The following CD2AP variants were observed in gnomAD, a reference collection of about 807,000 sequenced individuals.
The protein encoded by CD2AP is CD2 associated protein, also known as CD2-associated protein.
In CD2AP, 46 loss-of-function variants were observed where a neutral mutation model predicts 85.1. The ratio of observed to expected loss-of-function variants is 0.54; its 90% CI spans 0.43 to 0.69. The LOEUF (loss-of-function observed/expected upper bound fraction) is 0.69, where lower values mean the gene tolerates loss of function less well. CD2AP is among the 30% of genes least tolerant of loss of function. CD2AP has a pLI of 0.00. For missense variants in CD2AP, 769 were observed against 729.5 expected, an observed-to-expected ratio of 1.05 and a Z score of -0.62; for synonymous variants, 255 against 252.9, an observed-to-expected ratio of 1.01 and a Z score of -0.08.
Position 47,617,982 on chromosome 6 carries a change from A to T in CD2AP, c.1878+5446A>T, listed in dbSNP as rs138507593. On this transcript the variant is annotated intron_variant, in intron 17 of 17. Coordinates refer to ENST00000359314, the MANE Select transcript of CD2AP (RefSeq NM_012120.3). ...TACAGATTCTCAAGGCCCTGCTCAAACAATTACCTTCATTAAATTGATACT... is the reference window on the plus strand; with the variant it reads ...TACAGATTCTCAAGGCCCTGCTCAATCAATTACCTTCATTAAATTGATACT... 5.2e-3 allele frequency among the ~76,000 whole-genome samples: 796 copies of T among 151,896 alleles called. 2 individuals carry two copies. Among genetic ancestry groups the T allele is most frequent in the Non-Finnish European group, 8.1e-3 (551 of 67,742 alleles).
intron 1 of CD2AP, among the ~76,000 whole-genome samples, chr6:47,481,741 T>C (rs1235745749): frequency 2.6e-5 from 4 of 152,208 alleles, no homozygotes; most frequent in Non-Finnish European, 5.9e-5. Context: ...GTTGTACTGT[T>C]TGGAGAAAAT....
At chr6:47,487,217 T>C (rs941537520) in intron 1 of CD2AP, among the ~76,000 whole-genome samples, 1 of 152,196 alleles carries the variant, frequency 6.6e-6, no homozygotes, top group African/African-American at 2.4e-5. Flanking sequence ...ACAATTTTTT[T>C]AATGATGAAA....
chr6:47,616,138 C>G (rs1769580602), intron 17 of CD2AP, among the ~76,000 whole-genome samples: 1 of 116,882 alleles, frequency 8.6e-6, no homozygotes. Flanking sequence ...GTTACCCAGG[C>G]TGGAGTGCAA....
At chr6:47,508,538 T>C (rs1460979078) in intron 2 of CD2AP, among the ~76,000 whole-genome samples, 9 of 143,330 alleles carry the variant, frequency 6.3e-5, no homozygotes, top group Non-Finnish European at 1.2e-4. Context: ...TTCTTTCTTT[T>C]TTTTTTTGTT....
chr6:47,570,047 C>G (rs1387324807), intron 5 of CD2AP, among the ~76,000 whole-genome samples: 1 of 152,068 alleles, frequency 6.6e-6, no homozygotes, highest in African/African-American at 2.4e-5. Flanking sequence ...CCTGCATGAT[C>G]GACTTACAAA....
chr6:47,623,181 A>G (rs1769810032), intron 17 of CD2AP, among the ~76,000 whole-genome samples: 1 of 152,224 alleles, frequency 6.6e-6, no homozygotes, highest in East Asian at 1.9e-4. Flanking sequence ...GAGTAGTTAT[A>G]ATCCTTTAGG....
At chr6:47,505,616 G>A (rs1241810216) in intron 2 of CD2AP, among the ~76,000 whole-genome samples, 1,168 of 29,042 alleles carry the variant, frequency 0.04, no homozygotes, top group Middle Eastern at 0.12. Context: ...TGGCCGGGCG[G>A]GGGGGGCTGA....
intron 5 of CD2AP, among the ~76,000 whole-genome samples, chr6:47,564,355 G>T (rs1767938329): frequency 1.3e-5 from 2 of 152,086 alleles, no homozygotes; most frequent in African/African-American, 4.8e-5. Flanking sequence ...ATAAAACTGA[G>T]CCTTTAAAAT....
intron 17 of CD2AP, among the ~76,000 whole-genome samples, chr6:47,618,750 A>C (rs1183011842): frequency 6.6e-6 from 1 of 152,210 alleles, no homozygotes; most frequent in Non-Finnish European, 1.5e-5. Context: ...AATTATGACA[A>C]GAGTCAAATT....
At chr6:47,496,919 A>G (rs1765870567) in intron 1 of CD2AP, among the ~76,000 whole-genome samples, 1 of 152,176 alleles carries the variant, frequency 6.6e-6, no homozygotes, top group Non-Finnish European at 1.5e-5. Flanking sequence ...CTAATAGTGT[A>G]TTTGTGGACT....
intron 3 of CD2AP, among the ~76,000 whole-genome samples, chr6:47,541,738 A>G (rs535418602): frequency 6.6e-6 from 1 of 152,334 alleles, no homozygotes; most frequent in South Asian, 2.1e-4. Flanking sequence ...TTGTAATTTT[A>G]TGGCCCAGGA....
At chr6:47,623,937 C>T (rs1769829465) in intron 17 of CD2AP, among the ~76,000 whole-genome samples, 1 of 152,098 alleles carries the variant, frequency 6.6e-6, no homozygotes, top group South Asian at 2.1e-4. Context: ...TAAATGCTCA[C>T]ATGACTTAAC....
At chr6:47,584,033 T>A (rs1768554450) in intron 11 of CD2AP, among the ~76,000 whole-genome samples, 1 of 152,248 alleles carries the variant, frequency 6.6e-6, no homozygotes, top group Non-Finnish European at 1.5e-5. Context: ...TATCTTCTCA[T>A]ATGCTTAATT....
rs1480805678 is a variant in CD2AP, at chr6:47,548,739, G to A, written c.420+4033G>A. ...TCATCCTAATACCAAGACCAGGAAAGGACATAACAAAAAAAGAAAACTACA... is the reference window on the plus strand; with the variant it reads ...TCATCCTAATACCAAGACCAGGAAAAGACATAACAAAAAAAGAAAACTACA... On this transcript the variant is annotated intron_variant, in intron 4 of 17. Coordinates refer to ENST00000359314, the MANE Select transcript of CD2AP (RefSeq NM_012120.3). 3.3e-5 allele frequency among the ~76,000 whole-genome samples: 5 copies of A among 151,884 alleles called. No homozygotes were observed. In the South Asian group the frequency reaches 8.3e-4, roughly 25 times the overall value.
intron 8 of CD2AP, among the ~76,000 whole-genome samples, chr6:47,579,046 A>AT: frequency 6.6e-6 from 1 of 152,186 alleles, no homozygotes; most frequent in South Asian, 2.1e-4. Context: ...ACTAAACGCA[A>AT]TTTTGTAACT....
intron 2 of CD2AP, among the ~76,000 whole-genome samples, chr6:47,512,017 G>A (rs866088007): frequency 3.9e-5 from 6 of 152,156 alleles, no homozygotes; most frequent in South Asian, 2.1e-4. Flanking sequence ...AATTAGCTGG[G>A]CGTAGTGGCG....
intron 17 of CD2AP, among the ~76,000 whole-genome samples, chr6:47,615,861 G>A (rs976990405): frequency 6.7e-6 from 1 of 149,954 alleles, no homozygotes; most frequent in African/African-American, 2.5e-5. Context: ...CTGACTGCAA[G>A]CTCCACCTCC....
At chr6:47,603,696 T>A (rs572696031) in intron 13 of CD2AP, among the ~76,000 whole-genome samples, 8 of 152,078 alleles carry the variant, frequency 5.3e-5, no homozygotes, top group Non-Finnish European at 8.8e-5. Flanking sequence ...TCCTGTTTTG[T>A]AAAATAATTA....
chr6:47,560,889 G>T (rs1353495020), intron 5 of CD2AP, among the ~76,000 whole-genome samples: 1 of 152,052 alleles, frequency 6.6e-6, no homozygotes, highest in African/African-American at 2.4e-5. Flanking sequence ...TACTATGATG[G>T]TTACCAAAAA....
Sources: allele counts gnomAD v4.1 joint callset (sites outside exome capture counted in the v4.1 genomes callset), GRCh38; gene constraint gnomAD v4.1.1; transcripts MANE v1.5; gene names NCBI Gene and HGNC (gene_info 2026-07-23, HGNC 2026-07-21).